The following ADAP2 variants were observed in gnomAD, a reference collection of about 807,000 sequenced individuals.
ADAP2 encodes the protein ArfGAP with dual PH domains 2.
A neutral mutation model predicts 54.9 loss-of-function variants in ADAP2; 42 were observed. The observed-to-expected ratio is 0.77, with a 90% confidence interval of 0.60 to 0.99. ADAP2 has a LOEUF of 0.99. ADAP2 is among the 50% of genes least tolerant of loss of function. ADAP2 has a pLI of 0.00. For synonymous variants in ADAP2, 177 were observed against 180.1 expected (o/e 0.98, Z 0.14); for missense variants, 429 against 480.4 (o/e 0.89, Z 1.00).
chr17:30,955,636 G>A (rs898053502), intron 9 of ADAP2, among the ~76,000 whole-genome samples: 2 of 151,848 alleles, frequency 1.3e-5, no homozygotes, highest in Non-Finnish European at 1.5e-5. Flanking sequence ...GAAACCGGGA[G>A]GCAGAGGGTG....
At position 30,958,582 on chromosome 17, in the gene ADAP2, G is replaced by C. The variant is rs933463532; in HGVS notation, c.*713G>C. 1.3e-5 allele frequency: 2 copies of C among 152,242 alleles called. No individual in the cohort carries two copies. The highest frequency in any genetic ancestry group is 2.1e-4 in the South Asian group (1 of 4,830). The allele number at this position is 152,242 out of a possible 1,614,324, so 9.4% of individuals were successfully genotyped here. Reference sequence around the variant, plus strand: ...TCAATGGAGACCCAAGGAGCTGGGAGGTCTCTTAAGAGACTCTCTGATTCT... The same window carrying C: ...TCAATGGAGACCCAAGGAGCTGGGACGTCTCTTAAGAGACTCTCTGATTCT... On this transcript the variant is annotated 3_prime_UTR_variant, in exon 11 of 11. Transcript: ENST00000330889.
chr17:30,926,985 A>G (rs1162200204), intron 3 of ADAP2, 67 bp downstream of exon 3: 2 of 1,249,746 alleles, frequency 1.6e-6, no homozygotes, highest in Non-Finnish European at 2.3e-6. Flanking sequence ...CCCCCTCTCC[A>G]TCTTTGGTGT....
intron 5 of ADAP2, among the ~76,000 whole-genome samples, chr17:30,941,109 T>C (rs1292472999): frequency 6.6e-6 from 1 of 152,224 alleles, no homozygotes; most frequent in Non-Finnish European, 1.5e-5. Flanking sequence ...AAAGCTCTGC[T>C]CTTGTCTGCA....
At chr17:30,943,117 G>A (rs1283820925) in intron 5 of ADAP2, among the ~76,000 whole-genome samples, 1 of 152,244 alleles carries the variant, frequency 6.6e-6, no homozygotes, top group African/African-American at 2.4e-5. Flanking sequence ...TGTAATCCCA[G>A]CACTTTGGAA....
rs1466227659 is a variant in ADAP2 at position 30,923,075 on chromosome 17, A to G, written c.225+5A>G. 3 of 1,613,448 alleles carry G rather than the reference A, an allele frequency of 1.9e-6. No homozygotes were observed. Among genetic ancestry groups the G allele is most frequent in the East Asian group, 4.5e-5 (2 of 44,876 alleles). On this transcript the variant is annotated splice_donor_5th_base_variant and intron_variant, in intron 2 of 10. Coordinates refer to ENST00000330889, the MANE Select transcript of ADAP2 (RefSeq NM_018404.3). ...TGGGACGACAGTATTGTGGAGGTAG[A>G]AAGGCATGCCCGTGGAGAGCCATGG...
At chr17:30,936,745 C>T (rs1166418074) in intron 5 of ADAP2, among the ~76,000 whole-genome samples, 1 of 152,002 alleles carries the variant, frequency 6.6e-6, no homozygotes, top group African/African-American at 2.4e-5. Flanking sequence ...ATACTTTCCC[C>T]ATATTTTAAT....
At chr17:30,953,952 A>G (rs528368001) in intron 8 of ADAP2, among the ~76,000 whole-genome samples, 1 of 152,186 alleles carries the variant, frequency 6.6e-6, no homozygotes, top group African/African-American at 2.4e-5. Context: ...AATTCTTCCA[A>G]TGTGGCCCAG....
chr17:30,951,901 C>A (rs188399328), intron 7 of ADAP2, among the ~76,000 whole-genome samples: 50 of 147,478 alleles, frequency 3.4e-4, no homozygotes, highest in Non-Finnish European at 4.2e-4. Context: ...GTGATCCACA[C>A]GCCTCGGCCT....
rs528770343 is a variant in ADAP2, at chr17:30,940,705, C to G, written c.511-4202C>G. On this transcript the variant is annotated intron_variant, in intron 5 of 10. Transcript: ENST00000330889. ...TAATCACTTCCCATTGAAACTCTCA[C>G]AAAATTGCCCTTGTTTGATGAGAGA... Among the ~76,000 whole-genome samples, 4 of 152,330 alleles carry G rather than the reference C, an allele frequency of 2.6e-5. No homozygotes were observed. In the East Asian group the frequency reaches 7.7e-4, roughly 29 times the overall value.
chr17:30,922,577 C>A (rs1394800755), intron 1 of ADAP2, among the ~76,000 whole-genome samples: 1 of 152,176 alleles, frequency 6.6e-6, no homozygotes, highest in Non-Finnish European at 1.5e-5. Context: ...AGACGCCCCC[C>A]GAAGGCCTCC....
intron 9 of ADAP2, 81 bp from the exon 10 acceptor site, chr17:30,956,160 T>C: frequency 1.5e-6 from 2 of 1,322,862 alleles, no homozygotes; most frequent in Non-Finnish European, 2.1e-6. Context: ...TTTCCCAAAA[T>C]AAAGCTTGGA....
At position 30,930,260 on chromosome 17, in the gene ADAP2, C is replaced by T. The variant is rs565633445; in HGVS notation, c.318-1629C>T. Among the ~76,000 whole-genome samples, 8 of 149,352 alleles carry T rather than the reference C, an allele frequency of 5.4e-5. No individual in the cohort carries two copies. In the South Asian group the frequency reaches 8.5e-4, roughly 16 times the overall value. ...CTAATTTTTGTATTTTTGGTAGAGC[C>T]GGGGTTTTGCTATGTTGGCCAGGCT... On this transcript the variant is annotated intron_variant, in intron 3 of 10. Transcript: ENST00000330889.
chr17:30,951,335 A>G (rs1036682304), intron 7 of ADAP2, among the ~76,000 whole-genome samples: 2 of 151,818 alleles, frequency 1.3e-5, no homozygotes, highest in Admixed American at 6.6e-5. Flanking sequence ...TTTTTTCCCA[A>G]TGGTTTCCCT....
chr17:30,927,534 G>C lies in ADAP2; in HGVS notation c.317+616G>C, dbSNP rs549383045. On this transcript the variant is annotated intron_variant, in intron 3 of 10. Coordinates refer to ENST00000330889, the MANE Select transcript of ADAP2 (RefSeq NM_018404.3). ...GAAGGCTGAGGCAGGAGAAGGGTGT[G>C]AACCCGGGAGGCAGAGCTTGCAGTG... Among the ~76,000 whole-genome samples, 954 of 151,410 alleles carry C rather than the reference G, an allele frequency of 6.3e-3. 11 individuals are homozygous for C. The highest frequency in any genetic ancestry group is 0.022 in the African/African-American group (910 of 41,122).
At chr17:30,935,748 GC>G (rs1911825434) in intron 5 of ADAP2, among the ~76,000 whole-genome samples, 1 of 152,156 alleles carries the variant, frequency 6.6e-6, no homozygotes, top group South Asian at 2.1e-4. Flanking sequence ...ACCATAAGCT[GC>G]AACCCTGGCC....
At chr17:30,926,946 G>T (rs370391372) in intron 3 of ADAP2, 28 bp downstream of exon 3, 1 of 1,560,338 alleles carries the variant, frequency 6.4e-7, no homozygotes, top group Non-Finnish European at 8.8e-7. Flanking sequence ...TAGGGACTGG[G>T]TGAGGGGTCT....
Position 30,944,975 on chromosome 17 carries a change from G to C in ADAP2, c.579G>C (p.Gly193=). The change falls in exon 6 of 11, where the codon GGG becomes GGC. Residue 193 remains glycine, a synonymous_variant. Transcript: ENST00000330889. The part of the protein sequence containing the change: ...LNATFQTEKI[G]HPHGLQITYR... Reference sequence around the variant, plus strand: ...CCACCTTCCAGACAGAGAAGATAGGGCACCCCCATGGGCTGCAGATCACCT... The same window carrying C: ...CCACCTTCCAGACAGAGAAGATAGGCCACCCCCATGGGCTGCAGATCACCT... The C allele has an allele frequency of 6.2e-7, 1 of 1,614,048 alleles. No homozygotes were observed. Among genetic ancestry groups the C allele is most frequent in the Non-Finnish European group, 8.5e-7 (1 of 1,180,016 alleles).
At chr17:30,949,176 G>A in intron 6 of ADAP2, 111 bp from the exon 7 acceptor site, 1 of 810,196 alleles carries the variant, frequency 1.2e-6, no homozygotes, top group Non-Finnish European at 2.1e-6. Context: ...TGCAGGTGCT[G>A]AATATATGTG....
chr17:30,935,054 AAAAAC>A (rs759331940), intron 5 of ADAP2, among the ~76,000 whole-genome samples: 3 of 152,128 alleles, frequency 2.0e-5, no homozygotes, highest in African/African-American at 7.2e-5. Flanking sequence ...CCCTGTCTCA[AAAAAC>A]AAAACAAAAC....
Sources: gnomAD v4.1 joint callset for allele counts (sites outside exome capture counted in the v4.1 genomes callset) on GRCh38, gnomAD v4.1.1 for gene constraint, MANE v1.5 for transcripts, NCBI Gene and HGNC (gene_info 2026-07-23, HGNC 2026-07-21) for gene names.